Variants in ZNF18 observed in about 807,000 individuals in gnomAD.
The protein encoded by ZNF18 is zinc finger protein 18.
ZNF18 carries 42 observed loss-of-function variants against 58.1 expected under a neutral mutation model. The ratio of observed to expected loss-of-function variants is 0.72; its 90% CI spans 0.56 to 0.93. The LOEUF (loss-of-function observed/expected upper bound fraction) is 0.93. Ranked by LOEUF, ZNF18 falls within the 40% of genes least tolerant of loss-of-function variation. ZNF18 has a pLI of 0.00. For missense variants in ZNF18, 540 were observed against 644.2 expected, an observed-to-expected ratio of 0.84 and a Z score of 1.75; for synonymous variants, 231 against 239.8, an observed-to-expected ratio of 0.96 and a Z score of 0.34.
chr17:12,009,339 C>T, the ZNF18 span: 1 of 151,934 alleles, frequency 6.6e-6, no homozygotes, highest in Non-Finnish European at 1.5e-5. Flanking sequence ...AAGGCAGAGA[C>T]GTTCTTTTAT....
chr17:12,018,706 G>C, the ZNF18 span, among the ~76,000 whole-genome samples: 1 of 152,168 alleles, frequency 6.6e-6, no homozygotes, highest in Non-Finnish European at 1.5e-5. Context: ...AGCTTCCTCA[G>C]TTGGAACAAA....
intron 4 of ZNF18, among the ~76,000 whole-genome samples, chr17:11,985,095 G>C (rs1967649874): frequency 6.6e-6 from 1 of 152,172 alleles, no homozygotes. Context: ...TCTGCATTTA[G>C]AGTCTAACAT....
the ZNF18 span, chr17:12,021,404 CT>C: frequency 6.6e-5 from 10 of 152,448 alleles, no homozygotes; most frequent in African/African-American, 1.7e-4. Context: ...GGCCTGCCCC[CT>C]GGTCCCTGAC....
intron 5 of ZNF18, among the ~76,000 whole-genome samples, chr17:11,983,708 G>A (rs1323807887): frequency 6.6e-6 from 1 of 152,118 alleles, no homozygotes; most frequent in Non-Finnish European, 1.5e-5. Context: ...TGGTTGACAA[G>A]TGTGGTTTAG....
At chr17:11,996,125 AG>A (rs1968455806) in intron 1 of ZNF18, among the ~76,000 whole-genome samples, 1 of 152,244 alleles carries the variant, frequency 6.6e-6, no homozygotes, top group African/African-American at 2.4e-5. Flanking sequence ...CCATAGTCAA[AG>A]AAAAAAATCA....
Position 11,977,697 on chromosome 17 carries a change from C to A in ZNF18, c.*260G>T. The A allele has an allele frequency of 2.7e-6, 1 of 375,038 alleles. No homozygotes were observed. Among genetic ancestry groups the A allele is most frequent in the Non-Finnish European group, 4.7e-6 (1 of 212,520 alleles). 23.2% of individuals were successfully genotyped at this position (375,038 alleles called of 1,614,324 possible). On this transcript the variant is annotated 3_prime_UTR_variant, in exon 7 of 7. Transcript: ENST00000580306. The stretch of plus-strand genomic sequence containing the variant: ...GGATCTCCAATTTAGACTTTTTCCC[C>A]GATGGGTCCAAAGGAAGGATGAGTG...
In ZNF18 at chr17:11,978,117, C is replaced by T. The variant is rs1221189360; in HGVS notation, c.1490G>A (p.Cys497Tyr). Residue 497 changes from cysteine (C) to tyrosine (Y), a missense_variant, in exon 7 of 7, where the codon TGT (cysteine) becomes TAT (tyrosine). Cys to Tyr is a radical substitution (Grantham distance 194). Transcript: ENST00000580306. Reference protein sequence around the residue: ...TGEKPYKCPICEKSFIQRSNF... With the variant: ...TGEKPYKCPIYEKSFIQRSNF... ...TGATCTCTGAATGAAACTTTTCTCA[C>T]AGATAGGACATTTATAGGGTTTCTC... The T allele has an allele frequency of 6.2e-7, 1 of 1,614,146 alleles. No homozygotes were observed. Among genetic ancestry groups the T allele is most frequent in the Non-Finnish European group, 8.5e-7 (1 of 1,180,022 alleles).
chr17:11,978,554 C>G lies in ZNF18; in HGVS notation c.1053G>C (p.Gln351His), dbSNP rs1295963347. The G allele has an allele frequency of 1.2e-6, 2 of 1,613,526 alleles. No homozygotes were observed. Among genetic ancestry groups the G allele is most frequent in the African/African-American group, 2.7e-5 (2 of 74,954 alleles). Reference sequence around the variant, plus strand: ...ACAGCTGTTCCCCTGTTCCCTCATCCTGAATGTTTTGCAGAGCCTCAGGGA... The same window carrying G: ...ACAGCTGTTCCCCTGTTCCCTCATCGTGAATGTTTTGCAGAGCCTCAGGGA... ...ENLPEALQNI[Q>H]DEGTGEQLSP... Residue 351 changes from glutamine to histidine, a missense_variant, in exon 7 of 7, where the codon CAG becomes CAC. Gln to His is a conservative substitution (Grantham distance 24). Coordinates refer to ENST00000580306, the MANE Select transcript of ZNF18 (RefSeq NM_001303281.2).
chr17:12,015,194 A>G, the ZNF18 span, among the ~76,000 whole-genome samples: 1 of 152,240 alleles, frequency 6.6e-6, no homozygotes, highest in Non-Finnish European at 1.5e-5. Flanking sequence ...TAATCTCAAA[A>G]GCAAAACCAA....
At chr17:12,000,312 T>A (rs1387036117), upstream of ZNF18, among the ~76,000 whole-genome samples, 1 of 152,092 alleles carries the variant, frequency 6.6e-6, no homozygotes, top group African/African-American at 2.4e-5. Flanking sequence ...AGGGTCAGGG[T>A]AATAAGAAAA....
the ZNF18 span, among the ~76,000 whole-genome samples, chr17:12,020,384 G>T: frequency 6.6e-6 from 1 of 152,128 alleles, no homozygotes; most frequent in African/African-American, 2.4e-5. Flanking sequence ...TTGGGGTATT[G>T]GGCTTAAGAG....
In ZNF18 at chr17:11,992,473, C is replaced by A; in HGVS notation, c.357G>T (p.Leu119Phe). 6.2e-7 allele frequency: 1 copy of A among 1,614,182 alleles called. No homozygotes were observed. The highest frequency in any genetic ancestry group is 8.5e-7 in the Non-Finnish European group (1 of 1,180,012). ...GEEAVTLVES[L>F]KGDPQRLWQW... ...GCCACAGTCTCTGGGGGTCCCCCTT[C>A]AAGCTTTCCACAAGGGTCACTGCCT... Residue 119 changes from leucine (L) to phenylalanine (F), a missense_variant, in exon 2 of 7, where the codon TTG becomes TTT. By Grantham distance (22) the Leu-to-Phe change is conservative (BLOSUM62 0). Transcript: ENST00000580306.
At chr17:12,020,419 C>G in the ZNF18 span, among the ~76,000 whole-genome samples, 1 of 152,066 alleles carries the variant, frequency 6.6e-6, no homozygotes, top group African/African-American at 2.4e-5. Flanking sequence ...AACCATAGCT[C>G]TAGGTAACTC....
chr17:11,996,276 A>G (rs568057880), intron 1 of ZNF18, among the ~76,000 whole-genome samples: 1 of 152,358 alleles, frequency 6.6e-6, no homozygotes, highest in South Asian at 2.1e-4. Flanking sequence ...TTTTAAAAAT[A>G]CCTTGCTTTG....
upstream of ZNF18, among the ~76,000 whole-genome samples, chr17:12,001,489 C>G (rs915698725): frequency 6.6e-6 from 1 of 151,988 alleles, no homozygotes; most frequent in African/African-American, 2.4e-5. Context: ...ATTAGCCAGG[C>G]GTGGTGGCAG....
At chr17:11,986,484 G>A (rs2151477733) in intron 4 of ZNF18, among the ~76,000 whole-genome samples, 1 of 152,318 alleles carries the variant, frequency 6.6e-6, no homozygotes, top group East Asian at 1.9e-4. Context: ...GGGTGGGAAG[G>A]ATAGGAAGCT....
Position 11,992,816 on chromosome 17 carries a change from A to G in ZNF18, c.14T>C (p.Leu5Ser). ...TGGCAGCAGGCCTAGGGCCTGCCCC[A>G]AGTCAACGGGCATTGTCCAGCCTGG... MPVDLGQALGLLPSL... is the reference protein window; with the variant it reads MPVDSGQALGLLPSL... Residue 5 changes from leucine (L) to serine (S), a missense_variant, in exon 2 of 7, where the codon TTG (leucine) becomes TCG (serine). By Grantham distance (145) the Leu-to-Ser change is moderately radical. Coordinates refer to ENST00000580306, the MANE Select transcript of ZNF18 (RefSeq NM_001303281.2). 1 of 1,612,110 alleles carries G rather than the reference A, an allele frequency of 6.2e-7. No individual in the cohort carries two copies. The highest frequency in any genetic ancestry group is 8.5e-7 in the Non-Finnish European group (1 of 1,179,352).
chr17:11,979,487 C>T (rs1967203487), intron 6 of ZNF18, among the ~76,000 whole-genome samples: 1 of 152,194 alleles, frequency 6.6e-6, no homozygotes. Flanking sequence ...GTGCTTGAAT[C>T]TAGTATTTAC....
chr17:12,010,602 G>A, the ZNF18 span: 8,029 of 153,654 alleles, frequency 0.052, 301 homozygotes, highest in Non-Finnish European at 0.079. Context: ...ATTTTTAGTA[G>A]AAACGGGGTT....
Sources: gnomAD v4.1 joint callset for allele counts (sites outside exome capture counted in the v4.1 genomes callset) on GRCh38, gnomAD v4.1.1 for gene constraint, MANE v1.5 for transcripts, NCBI Gene and HGNC (gene_info 2026-07-23, HGNC 2026-07-21) for gene names.